Variants in CTNND2 observed in about 807,000 individuals in gnomAD.
CTNND2 encodes catenin delta 2.
CTNND2 carries 22 observed loss-of-function variants against 144.4 expected under a neutral mutation model. The ratio of observed to expected loss-of-function variants is 0.15; its 90% CI spans 0.11 to 0.22. The LOEUF (loss-of-function observed/expected upper bound fraction) is 0.22, where lower values mean the gene tolerates loss of function less well. Among genes scored for constraint, CTNND2 ranks in the 10% least tolerant of loss-of-function variants. The pLI is 1.00. For missense variants in CTNND2, 1,353 were observed against 1,618.8 expected (o/e 0.84, Z 2.82); for synonymous variants, 751 against 695.6 (o/e 1.08, Z -1.25).
chr5:11,727,446 C>A (rs892913802), intron 2 of CTNND2, among the ~76,000 whole-genome samples: 1 of 152,158 alleles, frequency 6.6e-6, no homozygotes, highest in Non-Finnish European at 1.5e-5. Flanking sequence ...TCTCTCAATT[C>A]ACAGCTTCAA....
chr5:11,348,351 A>T (rs1754997942), intron 8 of CTNND2, among the ~76,000 whole-genome samples: 1 of 151,912 alleles, frequency 6.6e-6, no homozygotes, highest in Non-Finnish European at 1.5e-5. Context: ...GCAAGTCATA[A>T]ACTTGCTCTT....
intron 16 of CTNND2, among the ~76,000 whole-genome samples, chr5:11,033,838 G>GCAACAA (rs35130130): frequency 6.6e-6 from 1 of 151,572 alleles, no homozygotes; most frequent in Non-Finnish European, 1.5e-5. Flanking sequence ...AACAACAACA[G>GCAACAA]CAACAACAAC....
intron 18 of CTNND2, among the ~76,000 whole-genome samples, chr5:11,008,863 C>T (rs1489416024): frequency 2.0e-5 from 3 of 152,190 alleles, no homozygotes; most frequent in African/African-American, 4.8e-5. Flanking sequence ...AAGACCTTCA[C>T]CATGAGCTCC....
intron 2 of CTNND2, among the ~76,000 whole-genome samples, chr5:11,584,502 C>T (rs955726895): frequency 1.3e-5 from 2 of 151,124 alleles, no homozygotes; most frequent in South Asian, 2.1e-4. Context: ...GAGGAAGAAA[C>T]GCCCATAATG....
chr5:11,703,801 G>T lies in CTNND2; in HGVS notation c.174+28335C>A, dbSNP rs184128858. Reference sequence around the variant, plus strand: ...ATCTTGTATATCTGCCAAATAATTCGATTTTGGAATAAAGATACAAAATAT... The same window carrying T: ...ATCTTGTATATCTGCCAAATAATTCTATTTTGGAATAAAGATACAAAATAT... On this transcript the variant is annotated intron_variant, in intron 2 of 21. Coordinates refer to ENST00000304623, the MANE Select transcript of CTNND2 (RefSeq NM_001332.4). Among the ~76,000 whole-genome samples, 32 of 152,160 alleles carry T rather than the reference G, an allele frequency of 2.1e-4. 1 individual carries two copies. Among genetic ancestry groups the T allele is most frequent in the African/African-American group, 7.2e-4 (30 of 41,508 alleles).
chr5:11,258,841 A>G (rs1026248688), intron 9 of CTNND2, among the ~76,000 whole-genome samples: 1 of 152,192 alleles, frequency 6.6e-6, no homozygotes, highest in Non-Finnish European at 1.5e-5. Flanking sequence ...CATTCTCCAT[A>G]TCTTTTTTCT....
rs184107497 is a variant in CTNND2 at position 11,866,961 on chromosome 5, C to T, written c.37+36856G>A. On this transcript the variant is annotated intron_variant, in intron 1 of 21. Coordinates refer to ENST00000304623, the MANE Select transcript of CTNND2 (RefSeq NM_001332.4). ...CTGTAACAATTTTTCTAGATATCTGCAAGCACATCTATCACTGTGACAAAT... is the reference window on the plus strand; with the variant it reads ...CTGTAACAATTTTTCTAGATATCTGTAAGCACATCTATCACTGTGACAAAT... Among the ~76,000 whole-genome samples, 127 of 152,310 alleles carry T rather than the reference C, an allele frequency of 8.3e-4. No individual in the cohort carries two copies. The Middle Eastern group carries it at 0.01, about 12-fold the overall frequency.
intron 2 of CTNND2, among the ~76,000 whole-genome samples, chr5:11,634,325 C>A (rs1352738862): frequency 6.6e-6 from 1 of 152,152 alleles, no homozygotes; most frequent in African/African-American, 2.4e-5. Context: ...CTTGAAAGCA[C>A]CTCAATTTCA....
At chr5:11,079,482 T>A (rs1749316882) in intron 16 of CTNND2, among the ~76,000 whole-genome samples, 1 of 152,198 alleles carries the variant, frequency 6.6e-6, no homozygotes, top group South Asian at 2.1e-4. Context: ...AGATTCATCT[T>A]TCTCCAGGAG....
chr5:11,612,544 C>A (rs1475863225), intron 2 of CTNND2, among the ~76,000 whole-genome samples: 1 of 152,104 alleles, frequency 6.6e-6, no homozygotes, highest in Non-Finnish European at 1.5e-5. Flanking sequence ...GAAAACATAG[C>A]TGAAAGCAAC....
intron 2 of CTNND2, among the ~76,000 whole-genome samples, chr5:11,593,692 C>T (rs1248440596): frequency 6.6e-6 from 1 of 152,210 alleles, no homozygotes; most frequent in South Asian, 2.1e-4. Flanking sequence ...TTTGTTCCTC[C>T]TTCACTTTCC....
intron 3 of CTNND2, among the ~76,000 whole-genome samples, chr5:11,522,867 A>G (rs1163131495): frequency 3.3e-5 from 5 of 152,218 alleles, no homozygotes; most frequent in Admixed American, 2.6e-4. Context: ...TACTGTCTCA[A>G]CAAGCTACAC....
Position 11,685,295 on chromosome 5 carries a change from C to T in CTNND2, c.174+46841G>A, listed in dbSNP as rs545053883. Reference sequence around the variant, plus strand: ...AGAAAAAGGTGAACACATATTCAGTCAAAACTTGTCCAATGTCTTTAAAAA... The same window carrying T: ...AGAAAAAGGTGAACACATATTCAGTTAAAACTTGTCCAATGTCTTTAAAAA... On this transcript the variant is annotated intron_variant, in intron 2 of 21. Coordinates refer to ENST00000304623, the MANE Select transcript of CTNND2 (RefSeq NM_001332.4). Among the ~76,000 whole-genome samples, 24 of 152,258 alleles carry T rather than the reference C, an allele frequency of 1.6e-4. No homozygotes were observed. In the East Asian group the frequency reaches 4.4e-3, roughly 28 times the overall value.
intron 1 of CTNND2, among the ~76,000 whole-genome samples, chr5:11,733,962 G>A (rs1320535755): frequency 1.3e-5 from 2 of 152,148 alleles, no homozygotes; most frequent in African/African-American, 4.8e-5. Flanking sequence ...GGGCCTTTGA[G>A]AGGAGATGAA....
chr5:11,694,900 C>T (rs1206535661), intron 2 of CTNND2, among the ~76,000 whole-genome samples: 1 of 152,164 alleles, frequency 6.6e-6, no homozygotes, highest in Non-Finnish European at 1.5e-5. Context: ...AAATACACAA[C>T]AGGACTTGGA....
intron 9 of CTNND2, among the ~76,000 whole-genome samples, chr5:11,255,003 G>A (rs1744085913): frequency 6.6e-6 from 1 of 152,118 alleles, no homozygotes; most frequent in Non-Finnish European, 1.5e-5. Flanking sequence ...ATTTGTCTTT[G>A]GAGTCATGCC....
intron 2 of CTNND2, among the ~76,000 whole-genome samples, chr5:11,569,592 A>C (rs1777400363): frequency 6.6e-6 from 1 of 152,106 alleles, no homozygotes. Context: ...TGAAAACTGA[A>C]ATCAGAAAAC....
At chr5:11,707,852 C>G (rs1216392720) in intron 2 of CTNND2, among the ~76,000 whole-genome samples, 1 of 152,156 alleles carries the variant, frequency 6.6e-6, no homozygotes, top group Non-Finnish European at 1.5e-5. Context: ...GCAGACAGCT[C>G]TCACTGTATG....
intron 3 of CTNND2, among the ~76,000 whole-genome samples, chr5:11,558,397 ACT>A (rs1776415413): frequency 6.9e-6 from 1 of 143,938 alleles, no homozygotes; most frequent in South Asian, 2.3e-4. Context: ...ACAAGGTCTC[ACT>A]CTGTTGCCCA....
Sources: gnomAD v4.1 joint callset for allele counts (sites outside exome capture counted in the v4.1 genomes callset) on GRCh38, gnomAD v4.1.1 for gene constraint, MANE v1.5 for transcripts, NCBI Gene and HGNC (gene_info 2026-07-23, HGNC 2026-07-21) for gene names.